The following CTNNA2 variants were observed in gnomAD, a reference collection of about 807,000 sequenced individuals.
CTNNA2 encodes the protein catenin alpha-2.
CTNNA2 carries 42 observed loss-of-function variants against 101.0 expected under a neutral mutation model. That is an observed-to-expected ratio of 0.42 (90% confidence interval 0.32 to 0.54). The LOEUF is 0.54. CTNNA2 is among the 20% of genes least tolerant of loss of function. The pLI, the probability that CTNNA2 is intolerant of heterozygous loss-of-function variation, is 0.14. For missense variants in CTNNA2, 871 were observed against 1,223.1 expected, an observed-to-expected ratio of 0.71 and a Z score of 4.29; for synonymous variants, 450 against 456.4, an observed-to-expected ratio of 0.99 and a Z score of 0.18.
intron 1 of CTNNA2, among the ~76,000 whole-genome samples, chr2:79,529,561 G>A (rs954548149): frequency 1.3e-5 from 2 of 152,122 alleles, no homozygotes; most frequent in Non-Finnish European, 1.5e-5. Flanking sequence ...AGCATTTTAA[G>A]TATGGGATCT....
chr2:79,285,104 A>G (rs1675526853), intron 2 of CTNNA2, among the ~76,000 whole-genome samples: 1 of 150,412 alleles, frequency 6.6e-6, no homozygotes, highest in Non-Finnish European at 1.5e-5. Flanking sequence ...ATCGGTGGTG[A>G]TATCCCCTTT....
intron 4 of CTNNA2, among the ~76,000 whole-genome samples, chr2:79,385,111 C>T (rs1678082797): frequency 6.6e-6 from 1 of 152,150 alleles, no homozygotes; most frequent in Non-Finnish European, 1.5e-5. Flanking sequence ...AAACTGGTGA[C>T]CTGCTTCCAT....
intron 2 of CTNNA2, among the ~76,000 whole-genome samples, chr2:79,252,769 C>T (rs928932067): frequency 6.6e-6 from 1 of 151,764 alleles, no homozygotes; most frequent in Admixed American, 6.6e-5. Flanking sequence ...TATCAACATG[C>T]CCCCCCATTA....
At chr2:79,198,606 C>A (rs1005808715) in intron 2 of CTNNA2, among the ~76,000 whole-genome samples, 1 of 152,154 alleles carries the variant, frequency 6.6e-6, no homozygotes, top group Non-Finnish European at 1.5e-5. Context: ...GAGATATTCC[C>A]ATCAAGTATA....
chr2:79,187,259 TCTTTTCTTTTC>T (rs1673790587), intron 1 of CTNNA2, among the ~76,000 whole-genome samples: 3 of 111,038 alleles, frequency 2.7e-5, no homozygotes, highest in South Asian at 2.7e-4. Flanking sequence ...TCTTTTCTTT[TCTTTTCTTTTC>T]TTTTTTTTTT....
Position 80,169,576 on chromosome 2 carries a change from A to AC in CTNNA2, c.1057-223631dup, listed in dbSNP as rs201382617. The stretch of plus-strand genomic sequence containing the variant: ...AAATGTCAGCATCTGGCCTGTGACC[A>AC]CCCCTGCTCTATCTGTTTCTGTGGC... On this transcript the variant is annotated intron_variant, in intron 7 of 18. Coordinates refer to ENST00000402739, the MANE Select transcript of CTNNA2 (RefSeq NM_001282597.3). Among the ~76,000 whole-genome samples, 578 of 152,160 alleles carry AC rather than the reference A, an allele frequency of 3.8e-3. 2 individuals are homozygous for AC. Among genetic ancestry groups the AC allele is most frequent in the African/African-American group, 0.013 (527 of 41,500 alleles).
At chr2:79,351,161 T>C (rs1677378217) in intron 3 of CTNNA2, among the ~76,000 whole-genome samples, 1 of 152,226 alleles carries the variant, frequency 6.6e-6, no homozygotes, top group Non-Finnish European at 1.5e-5. Context: ...TATTTTTGTT[T>C]CTGTTGCATT....
chr2:79,819,302 G>T (rs980681396), intron 3 of CTNNA2, among the ~76,000 whole-genome samples: 1 of 152,078 alleles, frequency 6.6e-6, no homozygotes, highest in Non-Finnish European at 1.5e-5. Flanking sequence ...GAACTGTAGA[G>T]AACTCCTTCC....
At chr2:79,208,580 AGGTAAGTGT>A (rs1206768799) in intron 2 of CTNNA2, among the ~76,000 whole-genome samples, 1 of 152,128 alleles carries the variant, frequency 6.6e-6, no homozygotes, top group Non-Finnish European at 1.5e-5. Flanking sequence ...GTGTGACTTG[AGGTAAGTGT>A]GGTGTAATTG....
intron 1 of CTNNA2, among the ~76,000 whole-genome samples, chr2:79,578,880 A>T (rs1675964134): frequency 6.6e-6 from 1 of 151,992 alleles, no homozygotes; most frequent in African/African-American, 2.4e-5. Context: ...GCCTCTAAAT[A>T]GTATATATCT....
At chr2:79,703,915 A>G (rs889315841) in intron 2 of CTNNA2, among the ~76,000 whole-genome samples, 2 of 150,178 alleles carry the variant, frequency 1.3e-5, no homozygotes, top group Admixed American at 6.7e-5. Flanking sequence ...ATAAATTTAT[A>G]TTTGAATAAA....
rs766458643 is a variant in CTNNA2 at position 80,555,834 on chromosome 2, A to G, written c.1682A>G (p.Tyr561Cys). The change falls in exon 12 of 19, where the codon TAT becomes TGT. Residue 561 changes from tyrosine (Y) to cysteine (C), a missense_variant. Physicochemically the swap from Tyr to Cys is radical, Grantham distance 194. This residue lies in a region of CTNNA2 where 647 missense variants were observed against 831.5 expected (regional missense o/e 0.78). Transcript: ENST00000402739. The part of the protein sequence containing the change: ...IHIINAEMEN[Y>C]EAGVYTEKVL... ...ATCATCAATGCTGAGATGGAGAACT[A>G]TGAAGCTGGGGTTTATACTGAGAAG... The G allele has an allele frequency of 3.1e-6, 5 of 1,594,912 alleles. No individual in the cohort carries two copies. The highest frequency in any genetic ancestry group is 1.8e-5 in the Admixed American group (1 of 56,966).
chr2:79,450,191 A>G (rs1213175564), intron 4 of CTNNA2, among the ~76,000 whole-genome samples: 1 of 151,934 alleles, frequency 6.6e-6, no homozygotes, highest in Non-Finnish European at 1.5e-5. Context: ...TCATGAGTCA[A>G]AAAGAAATGT....
intron 4 of CTNNA2, among the ~76,000 whole-genome samples, chr2:79,448,858 A>T (rs548060324): frequency 7.2e-5 from 11 of 152,118 alleles, no homozygotes; most frequent in South Asian, 2.1e-4. Flanking sequence ...GTGGATTCAG[A>T]CTTGTCTACG....
intron 1 of CTNNA2, among the ~76,000 whole-genome samples, chr2:79,637,466 C>T (rs531663343): frequency 6.6e-6 from 1 of 152,166 alleles, no homozygotes; most frequent in Non-Finnish European, 1.5e-5. Context: ...ATGATTATGG[C>T]TGATGCCCAC....
At chr2:80,127,739 A>C (rs1160575598) in intron 7 of CTNNA2, among the ~76,000 whole-genome samples, 1 of 152,172 alleles carries the variant, frequency 6.6e-6, no homozygotes, top group Non-Finnish European at 1.5e-5. Flanking sequence ...GACAGAGTCA[A>C]GACACTAATG....
At chr2:80,217,871 A>G (rs1708359434) in intron 7 of CTNNA2, among the ~76,000 whole-genome samples, 1 of 152,170 alleles carries the variant, frequency 6.6e-6, no homozygotes, top group African/African-American at 2.4e-5. Flanking sequence ...CGCTCCCAGA[A>G]CACAGCTTGA....
At chr2:80,348,124 C>G (rs962833072) in intron 7 of CTNNA2, among the ~76,000 whole-genome samples, 2 of 152,074 alleles carry the variant, frequency 1.3e-5, no homozygotes, top group Non-Finnish European at 2.9e-5. Context: ...ATTTCTGAAA[C>G]AGACTTTCAA....
intron 7 of CTNNA2, among the ~76,000 whole-genome samples, chr2:79,997,753 G>A (rs551232030): frequency 2.6e-4 from 40 of 152,172 alleles, no homozygotes; most frequent in Non-Finnish European, 5.0e-4. Flanking sequence ...CTTATAAATC[G>A]GCCACTGTTA....
Sources: allele counts gnomAD v4.1 joint callset (sites outside exome capture counted in the v4.1 genomes callset), GRCh38; gene constraint gnomAD v4.1.1; regional missense constraint gnomAD v4.1.1; transcripts MANE v1.5; gene names NCBI Gene and HGNC (gene_info 2026-07-23, HGNC 2026-07-21).